ZNF469: variants seen among roughly 807,000 people sequenced by gnomAD.
ZNF469 encodes zinc finger protein 469.
Under a neutral mutation model 1.0 loss-of-function variants are expected in ZNF469, and 1 was observed. The ratio of observed to expected loss-of-function variants is 1.00; its 90% CI spans 0.35 to 4.73. The LOEUF (loss-of-function observed/expected upper bound fraction) is 4.73. Ranked by LOEUF, ZNF469 falls within the 30% of genes most tolerant of loss-of-function variation. The pLI is 0.16. For missense variants in ZNF469, 6,100 were observed against 5,356.3 expected (o/e 1.14, Z -4.33); for synonymous variants, 2,703 against 2,363.4 (o/e 1.14, Z -4.17).
chr16:88,412,916 G>A (rs1220210636), intron 1 of ZNF469, among the ~76,000 whole-genome samples: 1 of 152,098 alleles, frequency 6.6e-6, no homozygotes, highest in African/African-American at 2.4e-5. Context: ...CCGTGTCCTG[G>A]CAGCCACAGC....
chr16:88,123,520 A>G, the ZNF469 span, among the ~76,000 whole-genome samples: 3 of 152,012 alleles, frequency 2.0e-5, no homozygotes, highest in African/African-American at 4.8e-5. Flanking sequence ...ACTGCCGTGG[A>G]TATTAACAGC....
chr16:88,151,087 A>G, the ZNF469 span, among the ~76,000 whole-genome samples: 40 of 152,256 alleles, frequency 2.6e-4, no homozygotes, highest in Non-Finnish European at 5.9e-4. The surrounding 1 kb of genome is among the most constrained non-coding windows in gnomAD (Gnocchi z 5.4). Flanking sequence ...GTGAAGCCCC[A>G]CAGGGGGCAG....
At chr16:88,206,304 A>G in the ZNF469 span, among the ~76,000 whole-genome samples, 1 of 152,292 alleles carries the variant, frequency 6.6e-6, no homozygotes, top group African/African-American at 2.4e-5. Context: ...CTCAGGGCCC[A>G]CTGGCTGGAC....
chr16:88,424,530 AC>A lies in ZNF469; in HGVS notation c.-191-274del, dbSNP rs1905617474. ...ACACACAATCTATGCGTACATAAAG[AC>A]CCAACAAAAAGAGATTTAAGATAGC... On this transcript the variant is annotated intron_variant, in intron 1 of 2. Coordinates refer to ENST00000565624, the MANE Select transcript of ZNF469 (RefSeq NM_001367624.2). The surrounding 1 kb of genome is among the most constrained non-coding windows in gnomAD (Gnocchi z 4.3). Among the ~76,000 whole-genome samples the A allele has an allele frequency of 1.3e-5, 2 of 152,082 alleles. No individual in the cohort carries two copies. The highest frequency in any genetic ancestry group is 4.8e-5 in the African/African-American group (2 of 41,416).
the ZNF469 span, among the ~76,000 whole-genome samples, chr16:88,109,414 G>A: frequency 1.4e-4 from 22 of 152,262 alleles, no homozygotes; most frequent in African/African-American, 5.1e-4. Flanking sequence ...CAGGCATGAG[G>A]CTTCTCCCCG....
At chr16:88,397,183 C>A (rs917469783) in intron 1 of ZNF469, among the ~76,000 whole-genome samples, 1 of 152,248 alleles carries the variant, frequency 6.6e-6, no homozygotes, top group Non-Finnish European at 1.5e-5. Flanking sequence ...AGCAAAAGCA[C>A]CTCTTCCTAT....
the ZNF469 span, among the ~76,000 whole-genome samples, chr16:88,152,392 C>T: frequency 2.6e-5 from 4 of 152,170 alleles, no homozygotes; most frequent in Non-Finnish European, 2.9e-5. The surrounding 1 kb of genome is among the most constrained non-coding windows in gnomAD (Gnocchi z 4.2). Context: ...GCTGGGGGAG[C>T]GCAGCTGCTT....
chr16:88,403,905 A>G (rs901046824), intron 1 of ZNF469, among the ~76,000 whole-genome samples: 1 of 152,034 alleles, frequency 6.6e-6, no homozygotes, highest in African/African-American at 2.4e-5. Flanking sequence ...CCTGGTGGGC[A>G]AGGAGGGGCA....
Position 88,434,447 on chromosome 16 carries a change from A to G in ZNF469, c.6977A>G (p.His2326Arg). 6.5e-7 allele frequency: 1 copy of G among 1,549,334 alleles called. No homozygotes were observed. Among genetic ancestry groups the G allele is most frequent in the Non-Finnish European group, 8.7e-7 (1 of 1,146,814 alleles). The change falls in exon 3 of 3, where the codon CAC becomes CGC. Residue 2326 changes from histidine to arginine, a missense_variant. Physicochemically the swap from His to Arg is conservative, Grantham distance 29. Coordinates refer to ENST00000565624, the MANE Select transcript of ZNF469 (RefSeq NM_001367624.2). ...AACCCTGACAGGATGCCCAGGGGCC[A>G]CTCCTCGTATTCTCCAAGCAATACT... is the stretch of plus-strand genomic sequence containing the variant. ...HTNPDRMPRG[H>R]SSYSPSNTAR...
the ZNF469 span, among the ~76,000 whole-genome samples, chr16:88,114,817 C>T: frequency 4.6e-5 from 7 of 152,200 alleles, no homozygotes; most frequent in African/African-American, 1.7e-4. Flanking sequence ...ACCTACAAGC[C>T]CAGCAAACCT....
rs61472141 is a variant in ZNF469 at position 88,433,932 on chromosome 16, G to A, written c.6462G>A (p.Pro2154=). 0.046 allele frequency: 70,755 copies of A among 1,549,950 alleles called. 4,129 individuals are homozygous for A. Among genetic ancestry groups the A allele is most frequent in the African/African-American group, 0.29 (21,305 of 73,118 alleles). ...GGLGGQLPAS[P]SCRDPPGPQQ... is the part of the protein sequence containing the mutation. ...TGGGGGGGCAGCTGCCAGCATCTCC[G>A]TCCTGCAGGGACCCTCCCGGCCCCC... The change falls in exon 3 of 3, where the codon CCG becomes CCA. Residue 2154 remains proline (P), a synonymous_variant. Coordinates refer to ENST00000565624, the MANE Select transcript of ZNF469 (RefSeq NM_001367624.2).
the ZNF469 span, among the ~76,000 whole-genome samples, chr16:88,146,669 G>T: frequency 2.3e-3 from 338 of 145,052 alleles, 1 homozygote; most frequent in Non-Finnish European, 3.4e-3. Context: ...GTGCATTTGT[G>T]GGGGGGCATT....
At chr16:88,326,907 G>A in the ZNF469 span, among the ~76,000 whole-genome samples, 196 of 152,190 alleles carry the variant, frequency 1.3e-3, 2 homozygotes, top group African/African-American at 4.6e-3. Context: ...CTGGCAGCGG[G>A]GCCCAGGAGC....
At position 88,432,589 on chromosome 16, in the gene ZNF469, C is replaced by G. The variant is rs771039755; in HGVS notation, c.5119C>G (p.Leu1707Val). The G allele has an allele frequency of 3.9e-6, 6 of 1,550,344 alleles. No homozygotes were observed. The Admixed American group carries it at 7.8e-5, about 20-fold the overall frequency. ...VQKAGASKTG[L>V]CQAEGDSRPP... The stretch of plus-strand genomic sequence containing the variant: ...GAAAGCCGGAGCCTCCAAGACTGGA[C>G]TTTGCCAGGCAGAAGGAGACAGCAG... Residue 1707 changes from leucine to valine, a missense_variant, in exon 3 of 3, where the codon CTT (leucine) becomes GTT (valine). Transcript: ENST00000565624.
chr16:88,294,034 GTCTCCCC>G, the ZNF469 span, among the ~76,000 whole-genome samples: 1 of 152,316 alleles, frequency 6.6e-6, no homozygotes, highest in East Asian at 1.9e-4. Context: ...TGTGCACGGG[GTCTCCCC>G]TAGAGCCCCC....
At chr16:88,163,612 AGATGGATG>A in the ZNF469 span, among the ~76,000 whole-genome samples, 81,220 of 129,508 alleles carry the variant, frequency 0.63, 28,209 homozygotes, top group Non-Finnish European at 0.78. Flanking sequence ...GTGCATTGGT[AGATGGATG>A]GATGGATGGA....
intron 1 of ZNF469, among the ~76,000 whole-genome samples, chr16:88,417,101 C>T (rs1462599253): frequency 1.3e-5 from 2 of 152,214 alleles, no homozygotes; most frequent in East Asian, 1.9e-4. Flanking sequence ...CTGCTTGGCA[C>T]ATGGAGGACT....
chr16:88,219,209 A>G, the ZNF469 span, among the ~76,000 whole-genome samples: 3 of 149,848 alleles, frequency 2.0e-5, no homozygotes, highest in Non-Finnish European at 2.9e-5. Flanking sequence ...TAATTTACAG[A>G]TTCAATGCCA....
intron 2 of ZNF469, among the ~76,000 whole-genome samples, chr16:88,425,724 G>C (rs988866429): frequency 1.3e-5 from 2 of 152,236 alleles, no homozygotes; most frequent in African/African-American, 4.8e-5. Flanking sequence ...TGGCCCCAAG[G>C]ACTCCCAGGC....
Sources: allele counts gnomAD v4.1 joint callset (sites outside exome capture counted in the v4.1 genomes callset), GRCh38; gene constraint gnomAD v4.1.1; non-coding constraint Gnocchi (gnomAD v3.1); transcripts MANE v1.5; gene names NCBI Gene and HGNC (gene_info 2026-07-23, HGNC 2026-07-21).